Variants in MEIKIN observed in about 807,000 individuals in gnomAD.
MEIKIN encodes the protein meiotic kinetochore factor.
At chr5:131,907,938 A>T (rs369951646) in intron 8 of MEIKIN, among the ~76,000 whole-genome samples, 3 of 152,102 alleles carry the variant, frequency 2.0e-5, no homozygotes, top group African/African-American at 7.2e-5. Context: ...TGAAGCTATA[A>T]TAAAAAGTCT....
At chr5:131,876,367 T>C (rs1211930865) in intron 9 of MEIKIN, among the ~76,000 whole-genome samples, 1 of 151,610 alleles carries the variant, frequency 6.6e-6, no homozygotes, top group Non-Finnish European at 1.5e-5. Flanking sequence ...AAAGAAGACA[T>C]TTATGCGGCC....
At chr5:131,943,200 A>G (rs1034642940) in intron 3 of MEIKIN, among the ~76,000 whole-genome samples, 1 of 152,174 alleles carries the variant, frequency 6.6e-6, no homozygotes, top group Non-Finnish European at 1.5e-5. Flanking sequence ...TAATTTGAGA[A>G]AAAAAATATC....
chr5:131,856,735 T>C (rs893310768), intron 9 of MEIKIN, among the ~76,000 whole-genome samples: 4 of 152,234 alleles, frequency 2.6e-5, no homozygotes, highest in Admixed American at 6.5e-5. Flanking sequence ...CATCAGCTTG[T>C]ATGCAGCTGT....
At chr5:131,913,235 A>C (rs768879425) in intron 7 of MEIKIN, among the ~76,000 whole-genome samples, 1 of 152,162 alleles carries the variant, frequency 6.6e-6, no homozygotes, top group Non-Finnish European at 1.5e-5. Context: ...AGGTTACTTC[A>C]TCCTTTGCAG....
chr5:131,821,757 C>T (rs1342651846), intron 11 of MEIKIN, among the ~76,000 whole-genome samples: 1 of 149,882 alleles, frequency 6.7e-6, no homozygotes, highest in African/African-American at 2.5e-5. Flanking sequence ...GCAATCCTTC[C>T]ACTTCAGCCT....
At chr5:131,827,552 T>C (rs1433189744) in intron 11 of MEIKIN, among the ~76,000 whole-genome samples, 2 of 151,982 alleles carry the variant, frequency 1.3e-5, no homozygotes, top group Non-Finnish European at 2.9e-5. Context: ...AGGAAATATG[T>C]AAAGAAAAGT....
intron 8 of MEIKIN, among the ~76,000 whole-genome samples, chr5:131,890,868 C>A (rs913204177): frequency 1.3e-5 from 2 of 152,162 alleles, no homozygotes; most frequent in African/African-American, 4.8e-5. Flanking sequence ...CTATAAATTT[C>A]CCTCTACACA....
At chr5:131,921,195 A>G (rs949673163) in intron 6 of MEIKIN, among the ~76,000 whole-genome samples, 1 of 152,256 alleles carries the variant, frequency 6.6e-6, no homozygotes, top group Non-Finnish European at 1.5e-5. Flanking sequence ...CTAAATGAAA[A>G]GTCTAAAAAT....
chr5:131,844,205 C>T (rs1749970243), intron 11 of MEIKIN, among the ~76,000 whole-genome samples: 1 of 152,106 alleles, frequency 6.6e-6, no homozygotes, highest in African/African-American at 2.4e-5. Context: ...ATCCCTCCCC[C>T]AACACTGGGA....
At chr5:131,910,431 T>C (rs557667329) in intron 8 of MEIKIN, among the ~76,000 whole-genome samples, 4 of 151,972 alleles carry the variant, frequency 2.6e-5, no homozygotes, top group East Asian at 1.9e-4. Context: ...AGAAGGATAG[T>C]TGGAGAGGGG....
chr5:131,841,289 C>A (rs1749903961), intron 11 of MEIKIN, among the ~76,000 whole-genome samples: 1 of 152,114 alleles, frequency 6.6e-6, no homozygotes, highest in South Asian at 2.1e-4. Flanking sequence ...GTGGTGCCAG[C>A]CAAAGCATTT....
rs370837314 is a variant in MEIKIN at position 131,900,046 on chromosome 5, C to G, written c.703+11769G>C. Among the ~76,000 whole-genome samples the G allele has an allele frequency of 3.3e-5, 5 of 152,136 alleles. No individual in the cohort carries two copies. The East Asian group carries it at 9.6e-4, about 29-fold the overall frequency. Reference sequence around the variant, plus strand: ...ATGGGTTCAGAATATACATTTTTTTCCTCAGCACATGGATCAGTCTCAAGG... The same window carrying G: ...ATGGGTTCAGAATATACATTTTTTTGCTCAGCACATGGATCAGTCTCAAGG... On this transcript the variant is annotated intron_variant, in intron 8 of 12. Coordinates refer to ENST00000442687, the MANE Select transcript of MEIKIN (RefSeq NM_001303622.2).
intron 8 of MEIKIN, among the ~76,000 whole-genome samples, chr5:131,900,441 T>A (rs998025251): frequency 1.3e-5 from 2 of 152,064 alleles, no homozygotes; most frequent in Admixed American, 6.5e-5. Context: ...AACCCACCCT[T>A]ACCATGGGCC....
At chr5:131,878,251 A>G (rs1274876489) in intron 9 of MEIKIN, among the ~76,000 whole-genome samples, 1 of 152,198 alleles carries the variant, frequency 6.6e-6, no homozygotes, top group Non-Finnish European at 1.5e-5. Context: ...ATTGACTTAA[A>G]TAGCTGAAAA....
intron 9 of MEIKIN, among the ~76,000 whole-genome samples, chr5:131,861,494 T>C (rs1292968662): frequency 6.6e-6 from 1 of 152,190 alleles, no homozygotes; most frequent in African/African-American, 2.4e-5. Flanking sequence ...TGGTACTATG[T>C]TTAATGGGCA....
chr5:131,852,377 C>A (rs1383488020), intron 10 of MEIKIN, among the ~76,000 whole-genome samples: 2 of 152,154 alleles, frequency 1.3e-5, no homozygotes, highest in Non-Finnish European at 2.9e-5. Context: ...GAGGCCTCCC[C>A]AGCCATGCGG....
chr5:131,898,296 C>T (rs570893381), intron 8 of MEIKIN, among the ~76,000 whole-genome samples: 4 of 152,158 alleles, frequency 2.6e-5, no homozygotes, highest in Non-Finnish European at 4.4e-5. Context: ...CCTCTGGAAG[C>T]TTTGTCCCAG....
chr5:131,935,213 C>G lies in MEIKIN; in HGVS notation c.350-1572G>C, dbSNP rs2108449. On this transcript the variant is annotated intron_variant, in intron 4 of 12. Coordinates refer to ENST00000442687, the MANE Select transcript of MEIKIN (RefSeq NM_001303622.2). Reference sequence around the variant, plus strand: ...TGGGATGCCAAGGTGAGAGGATCATCTGAGCCCAGGAGTTTGAGACCAGCC... The same window carrying G: ...TGGGATGCCAAGGTGAGAGGATCATGTGAGCCCAGGAGTTTGAGACCAGCC... Among the ~76,000 whole-genome samples, 3 of 139,508 alleles carry G rather than the reference C, an allele frequency of 2.2e-5. No homozygotes were observed. In the South Asian group the frequency reaches 7.0e-4, roughly 32 times the overall value. 91.5% of individuals were successfully genotyped at this position (139,508 alleles called of 152,430 possible).
chr5:131,871,688 G>A lies in MEIKIN; in HGVS notation c.774+7290C>T, dbSNP rs538459376. On this transcript the variant is annotated intron_variant, in intron 9 of 12. Coordinates refer to ENST00000442687, the MANE Select transcript of MEIKIN (RefSeq NM_001303622.2). ...CACGCAGCTTGAGATCTGAGAATGG[G>A]TAGACTGCCTCCTCAAGTGGGTCCC... Among the ~76,000 whole-genome samples the A allele has an allele frequency of 2.0e-5, 3 of 152,322 alleles. No individual in the cohort carries two copies. In the East Asian group the frequency reaches 5.8e-4, roughly 29 times the overall value.
Sources: allele counts gnomAD v4.1 joint callset (sites outside exome capture counted in the v4.1 genomes callset), GRCh38; gene constraint gnomAD v4.1.1; transcripts MANE v1.5; gene names NCBI Gene and HGNC (gene_info 2026-07-23, HGNC 2026-07-21).